Variants in SPAG7 observed in about 807,000 individuals in gnomAD.
The protein encoded by SPAG7 is sperm-associated antigen 7.
Under a neutral mutation model 30.6 loss-of-function variants are expected in SPAG7, and 20 were observed. The ratio of observed to expected loss-of-function variants is 0.65; its 90% CI spans 0.46 to 0.95. SPAG7 has a LOEUF of 0.95. Ranked by LOEUF, SPAG7 falls within the 40% of genes least tolerant of loss-of-function variation. SPAG7 has a pLI of 0.00. For synonymous variants in SPAG7, 127 were observed against 104.2 expected (o/e 1.22, Z -1.33); for missense variants, 276 against 291.1 (o/e 0.95, Z 0.38).
At position 4,960,038 on chromosome 17, in the gene SPAG7, T is replaced by C; in HGVS notation, c.401A>G (p.Glu134Gly). Residue 134 changes from glutamate (E) to glycine (G), a missense_variant, in exon 5 of 7, where the codon GAG (glutamate) becomes GGG (glycine). Glu to Gly is a moderately conservative substitution (Grantham distance 98). Transcript: ENST00000206020. ...GEEWDPQKAE[E>G]KRKLKELAQR... The stretch of plus-strand genomic sequence containing the variant: ...ATAGCTCACCTTCAGCTTCCGCTTC[T>C]CCTCAGCCTTCTGGGGGTCCCATTC... The C allele has an allele frequency of 2.5e-6, 4 of 1,614,132 alleles. No homozygotes were observed. The highest frequency in any genetic ancestry group is 2.5e-6 in the Non-Finnish European group (3 of 1,180,008).
intron 4 of SPAG7, 21 bp from the exon 5 acceptor site, chr17:4,960,132 G>A (rs746522490): frequency 2.4e-5 from 38 of 1,605,260 alleles, no homozygotes; most frequent in Non-Finnish European, 3.1e-5. Flanking sequence ...GCAGAATGAT[G>A]GGGTCAGAGT....
At chr17:4,967,316 G>A in intron 1 of SPAG7, 2 of 749,776 alleles carry the variant, frequency 2.7e-6, no homozygotes, top group Non-Finnish European at 3.3e-6. Context: ...AGAGCTTTAA[G>A]TTGAGATAGC....
rs1971839715 is a variant in SPAG7 at position 4,960,261 on chromosome 17, G to C, written c.300C>G (p.Asp100Glu). The change falls in exon 4 of 7, where the codon GAC (aspartate) becomes GAG (glutamate). Residue 100 changes from aspartate (D) to glutamate (E), a missense_variant. Asp to Glu is a conservative substitution (Grantham distance 45, BLOSUM62 2). Transcript: ENST00000206020. ...TTTTGAAGATCATGACATAGCGACA[G>C]TCATCATCTTCCCCAAAGGAGAAGG... ...LTSFSFGEDDDCRYVMIFKKE... is the reference protein window; with the variant it reads ...LTSFSFGEDDECRYVMIFKKE... The C allele has an allele frequency of 6.2e-6, 10 of 1,614,188 alleles. No individual in the cohort carries two copies. Among genetic ancestry groups the C allele is most frequent in the Non-Finnish European group, 7.6e-6 (9 of 1,180,012 alleles).
At chr17:4,962,331 C>G (rs1008744139) in intron 1 of SPAG7, among the ~76,000 whole-genome samples, 22 of 152,294 alleles carry the variant, frequency 1.4e-4, no homozygotes, top group African/African-American at 5.3e-4. Context: ...CCAGGCTGGT[C>G]TTGAACTCCT....
intron 1 of SPAG7, chr17:4,965,811 C>T (rs937749955): frequency 1.4e-5 from 2 of 145,404 alleles, no homozygotes; most frequent in African/African-American, 4.9e-5. Context: ...GAGCGCGCCA[C>T]CAAGCCCAGC....
chr17:4,961,976 C>T (rs1421153470), intron 1 of SPAG7, among the ~76,000 whole-genome samples: 1 of 152,068 alleles, frequency 6.6e-6, no homozygotes, highest in Non-Finnish European at 1.5e-5. Context: ...TGGCACCAGG[C>T]GAGACCCTGA....
chr17:4,964,086 C>G (rs1329108445), intron 1 of SPAG7, among the ~76,000 whole-genome samples: 2 of 152,154 alleles, frequency 1.3e-5, no homozygotes, highest in East Asian at 3.9e-4. Context: ...CAAGACCAGC[C>G]TCCCAAAGTG....
At chr17:4,967,483 A>C (rs1414658551) in intron 1 of SPAG7, among the ~76,000 whole-genome samples, 1 of 152,154 alleles carries the variant, frequency 6.6e-6, no homozygotes, top group Non-Finnish European at 1.5e-5. Context: ...GGAAACAAGG[A>C]CTGCGGAAGG....
chr17:4,967,654 A>G lies in SPAG7; in HGVS notation c.85+66T>C. On this transcript the variant is annotated intron_variant, in intron 1 of 6. Transcript: ENST00000206020. Reference sequence around the variant, plus strand: ...CAAGGTTGAGGAGGCGGCATCGTCCAAAGAGGGAGAAGTATGGTCCCGAGA... The same window carrying G: ...CAAGGTTGAGGAGGCGGCATCGTCCGAAGAGGGAGAAGTATGGTCCCGAGA... The G allele has an allele frequency of 2.4e-6, 3 of 1,276,476 alleles. No individual in the cohort carries two copies. In the South Asian group the frequency reaches 3.6e-5, roughly 15 times the overall value. The allele number at this position is 1,276,476 out of a possible 1,614,324, so 79.1% of individuals were successfully genotyped here. A position where few individuals can be genotyped will look rare whatever the true frequency, so the allele number is the denominator to read the frequency against.
chr17:4,961,591 TA>T (rs879358196), intron 1 of SPAG7, among the ~76,000 whole-genome samples: 379 of 129,066 alleles, frequency 2.9e-3, no homozygotes, highest in Middle Eastern at 4.5e-3. Context: ...CTGTCTCTAC[TA>T]AAAAAAAAAA....
chr17:4,967,282 A>T (rs1301181704), intron 1 of SPAG7: 5 of 971,054 alleles, frequency 5.1e-6, no homozygotes, highest in Middle Eastern at 1.0e-3. Context: ...GTTTCGAAGG[A>T]AGGTCGAACA....
chr17:4,967,297 T>C, intron 1 of SPAG7: 1 of 911,052 alleles, frequency 1.1e-6, no homozygotes, highest in Non-Finnish European at 1.3e-6. Flanking sequence ...CGAACAGGCC[T>C]GAGGAGGCAG....
chr17:4,960,974 C>G, intron 1 of SPAG7, 121 bp from the exon 2 acceptor site: 4 of 823,452 alleles, frequency 4.9e-6, no homozygotes, highest in Admixed American at 2.0e-5. Flanking sequence ...GTAGGATTAG[C>G]GTTTATTCAT....
rs1175806309 is a variant in SPAG7, at chr17:4,959,431, G to A, written c.*103C>T. The A allele has an allele frequency of 1.4e-4, 117 of 841,152 alleles. No homozygotes were observed. Among genetic ancestry groups the A allele is most frequent in the Non-Finnish European group, 1.3e-4 (66 of 514,042 alleles). 52.1% of individuals were successfully genotyped at this position (841,152 alleles called of 1,614,324 possible). On this transcript the variant is annotated 3_prime_UTR_variant, in exon 7 of 7. Transcript: ENST00000206020. Reference sequence around the variant, plus strand: ...CAGCCTGAGGGACAGCTGGTAGGAGGTGGTTCAGAGGTGGGGCTCCAGGAT... The same window carrying A: ...CAGCCTGAGGGACAGCTGGTAGGAGATGGTTCAGAGGTGGGGCTCCAGGAT...
chr17:4,960,356 C>A (rs1971841348), intron 3 of SPAG7, 38 bp from the exon 4 acceptor site: 1 of 1,610,006 alleles, frequency 6.2e-7, no homozygotes, highest in Admixed American at 1.7e-5. Flanking sequence ...GCATCTTGAG[C>A]CAGGAGCGGG....
intron 1 of SPAG7, among the ~76,000 whole-genome samples, chr17:4,963,956 G>A (rs1263564629): frequency 6.6e-6 from 1 of 151,962 alleles, no homozygotes; most frequent in Non-Finnish European, 1.5e-5. Context: ...GAAGATGCCC[G>A]AGACCCCATC....
chr17:4,959,552 C>T lies in SPAG7; in HGVS notation c.666G>A (p.Glu222=). 1 of 1,613,594 alleles carries T rather than the reference C, an allele frequency of 6.2e-7. No individual in the cohort carries two copies. ...AKKRLRQSGE[E]LPPTS The stretch of plus-strand genomic sequence containing the variant: ...GGGGCGCCTAGGAGGTTGGCGGCAA[C>T]TCTTCCCCACTCTGCCGCAGACGCT... The change falls in exon 7 of 7, where the codon GAG becomes GAA. Residue 222 remains glutamate, a synonymous_variant. Transcript: ENST00000206020.
At chr17:4,960,907 G>T in intron 1 of SPAG7, 54 bp from the exon 2 acceptor site, 1 of 1,526,884 alleles carries the variant, frequency 6.5e-7, no homozygotes, top group Non-Finnish European at 9.1e-7. Flanking sequence ...GGGTGGGAAA[G>T]GTTTCTAAGG....
Position 4,959,615 on chromosome 17 carries a change from G to A in SPAG7, c.603C>T (p.Arg201=). 7 of 1,614,124 alleles carry A rather than the reference G, an allele frequency of 4.3e-6. No individual in the cohort carries two copies. The highest frequency in any genetic ancestry group is 1.3e-5 in the African/African-American group (1 of 75,046). The change falls in exon 7 of 7, where the codon CGC becomes CGT. Residue 201 remains arginine, a synonymous_variant. Coordinates refer to ENST00000206020, the MANE Select transcript of SPAG7 (RefSeq NM_004890.3). ...CVPVANKRDT[R]SIEEAMNEIR... ...TCTCATTCATAGCCTCTTCAATGGA[G>A]CGTGTGTCCCTCTTATTGGCCACGG...
Sources: allele counts gnomAD v4.1 joint callset (sites outside exome capture counted in the v4.1 genomes callset), GRCh38; gene constraint gnomAD v4.1.1; transcripts MANE v1.5; gene names NCBI Gene and HGNC (gene_info 2026-07-23, HGNC 2026-07-21).